VAT1: variants seen among roughly 807,000 people sequenced by gnomAD.
VAT1 encodes the protein vesicle amine transport 1, also known as NADPH-dependent quinone oxidoreductase VAT1.
In VAT1, 24 loss-of-function variants were observed where a neutral mutation model predicts 33.3. The observed-to-expected ratio is 0.72, with a 90% CI of 0.52 to 1.01. The LOEUF is 1.01. VAT1 is among the 50% of genes least tolerant of loss of function. VAT1 has a pLI of 0.00. For missense variants in VAT1, 436 were observed against 533.7 expected, an observed-to-expected ratio of 0.82 and a Z score of 1.80; for synonymous variants, 212 against 225.0, an observed-to-expected ratio of 0.94 and a Z score of 0.52.
chr17:43,021,667 A>T (rs2050570193), intron 1 of VAT1, among the ~76,000 whole-genome samples: 1 of 141,482 alleles, frequency 7.1e-6, no homozygotes, highest in African/African-American at 2.6e-5. Context: ...TGGGCACCTT[A>T]TTGTTTTCCC....
chr17:43,017,695 A>T, intron 4 of VAT1, 146 bp downstream of exon 4: 1 of 659,842 alleles, frequency 1.5e-6, no homozygotes, highest in East Asian at 2.7e-5. Context: ...AATGCAGCAT[A>T]CAGGACCATT....
rs1361035426 is a variant in VAT1 at position 43,016,191 on chromosome 17, T to G, written c.1099-47A>C. 1.2e-6 allele frequency: 2 copies of G among 1,613,478 alleles called. 1 individual carries two copies. The highest frequency in any genetic ancestry group is 2.2e-5 in the South Asian group (2 of 91,012). On this transcript the variant is annotated intron_variant, in intron 5 of 5. Coordinates refer to ENST00000355653, the MANE Select transcript of VAT1 (RefSeq NM_006373.4). ...GGCTCCCAGTGCTATCCAACCCTCA[T>G]CCAACAAGAGCCAGTGTGATGCAGG...
Position 43,018,710 on chromosome 17 carries a change from C to T in VAT1, c.477G>A (p.Glu159=). Residue 159 remains glutamate, a synonymous_variant, in exon 2 of 6, where the codon GAG becomes GAA. Coordinates refer to ENST00000355653, the MANE Select transcript of VAT1 (RefSeq NM_006373.4). ...CAGCAGCTTCCTCAAAGGTCATGGC[C>T]TCAGGAATCAGGAAGGTCTGGACCG... The part of the protein sequence containing the change: ...VPSVQTFLIP[E]AMTFEEAAAL... 6.2e-7 allele frequency: 1 copy of T among 1,614,114 alleles called. No homozygotes were observed. The highest frequency in any genetic ancestry group is 1.3e-5 in the African/African-American group (1 of 75,026).
chr17:43,022,062 C>T lies in VAT1; in HGVS notation c.261G>A (p.Gly87=). 1 of 1,601,612 alleles carries T rather than the reference C, an allele frequency of 6.2e-7. No homozygotes were observed. Among genetic ancestry groups the T allele is most frequent in the Non-Finnish European group, 8.5e-7 (1 of 1,175,584 alleles). The part of the protein sequence containing the change: ...GQLTLRLRAC[G]LNFADLMARQ... ...TAGCCATGAGGTCTGCGAAGTTGAG[C>T]CCGCAGGCCCGCAGACGCAGCGTCA... The change falls in exon 1 of 6, where the codon GGG becomes GGA. Residue 87 remains glycine, a synonymous_variant. Coordinates refer to ENST00000355653, the MANE Select transcript of VAT1 (RefSeq NM_006373.4).
At chr17:43,020,326 G>A in intron 1 of VAT1, 2 of 984,778 alleles carry the variant, frequency 2.0e-6, no homozygotes, top group Non-Finnish European at 2.4e-6. Flanking sequence ...TGTATGGAGG[G>A]GAGGTGAGGT....
chr17:43,020,056 GAAC>G (rs2050553974), intron 1 of VAT1: 1 of 975,954 alleles, frequency 1.0e-6, no homozygotes, highest in South Asian at 4.7e-5. Context: ...AGCAGATACA[GAAC>G]AACCCAGGAG....
chr17:43,017,786 T>A, intron 4 of VAT1, 55 bp downstream of exon 4: 1 of 1,561,658 alleles, frequency 6.4e-7, no homozygotes, highest in Non-Finnish European at 8.8e-7. Flanking sequence ...TCCCACCCCT[T>A]AGACCCTCCC....
rs2050510034 is a variant in VAT1 at position 43,015,110 on chromosome 17, CAT to C, written c.*949_*950del. The C allele has an allele frequency of 6.5e-6, 1 of 152,740 alleles. No individual in the cohort carries two copies. The highest frequency in any genetic ancestry group is 1.5e-5 in the Non-Finnish European group (1 of 68,124). The allele number at this position is 152,740 out of a possible 1,614,324, so 9.5% of individuals were successfully genotyped here. On this transcript the variant is annotated 3_prime_UTR_variant, in exon 6 of 6. Transcript: ENST00000355653. ...CTTCCCCGCCTTTCTCCTCAACCAC[CAT>C]AGAGACGGGACATGGCACAGACCAC... is the stretch of plus-strand genomic sequence containing the variant.
rs2050575420 is a variant in VAT1 at position 43,022,132 on chromosome 17, A to G, written c.191T>C (p.Leu64Pro). The change falls in exon 1 of 6, where the codon CTG becomes CCG. Residue 64 changes from leucine (L) to proline (P), a missense_variant. Around this residue, in one of 2 missense-constraint regions of VAT1, gnomAD observed 154 missense variants for 128.3 expected, o/e 1.20. Transcript: ENST00000355653. Reference protein sequence around the residue: ...TGFGGYDKVKLQSRPAAPPAP... With the variant: ...TGFGGYDKVKPQSRPAAPPAP... ...CGGGGGCGCTGCCGGCCGGCTCTGC[A>G]GCTTCACCTTGTCGTAGCCTCCAAA... is the stretch of plus-strand genomic sequence containing the variant. The G allele has an allele frequency of 6.4e-7, 1 of 1,562,588 alleles. No homozygotes were observed.
At chr17:43,017,250 G>C (rs1167626089) in intron 4 of VAT1, among the ~76,000 whole-genome samples, 1 of 150,144 alleles carries the variant, frequency 6.7e-6, no homozygotes, top group African/African-American at 2.5e-5. Context: ...AGGACAGAAA[G>C]AAGGCAGGCT....
chr17:43,016,195 A>G, intron 5 of VAT1, 51 bp from the exon 6 acceptor site: 10 of 1,613,400 alleles, frequency 6.2e-6, no homozygotes, highest in East Asian at 2.2e-5. Context: ...CCCTCATCCA[A>G]CAAGAGCCAG....
intron 4 of VAT1, 23 bp downstream of exon 4, chr17:43,017,818 C>A (rs770931621): frequency 3.1e-6 from 5 of 1,612,266 alleles, no homozygotes. Context: ...CATGCTCTCT[C>A]CATCCCTGGC....
chr17:43,018,063 C>A lies in VAT1; in HGVS notation c.739G>T (p.Asp247Tyr). The change falls in exon 3 of 6, where the codon GAT (aspartate) becomes TAT (tyrosine). Residue 247 changes from aspartate (D) to tyrosine (Y), a missense_variant. By Grantham distance (160) the Asp-to-Tyr change is radical (BLOSUM62 -3). Around this residue, in one of 2 missense-constraint regions of VAT1, gnomAD observed 282 missense variants for 405.4 expected, o/e 0.70. Coordinates refer to ENST00000355653, the MANE Select transcript of VAT1 (RefSeq NM_006373.4). ...TTAGGGGAAATCTTCTTGATCTCAT[C>A]CACGTAGTCAGTCGTGTGATAGTCG... ...PIDYHTTDYVDEIKKISPKGV... is the reference protein window; with the variant it reads ...PIDYHTTDYVYEIKKISPKGV... The A allele has an allele frequency of 6.2e-7, 1 of 1,614,096 alleles. No homozygotes were observed. Among genetic ancestry groups the A allele is most frequent in the Non-Finnish European group, 8.5e-7 (1 of 1,180,004 alleles).
At position 43,018,155 on chromosome 17, in the gene VAT1, GT is replaced by G; in HGVS notation, c.646del (p.Thr216GlnfsTer14). On this transcript the variant is annotated frameshift_variant, in exon 3 of 6. Coordinates refer to ENST00000355653, the MANE Select transcript of VAT1 (RefSeq NM_006373.4). LOFTEE classifies it high-confidence loss of function. ...GCTGGCCGAGGCCGTTCCGAACACT[GT>G]CACATTCTCCACTGTACGGCACAGC... Reference protein sequence around the residue: ...VQLCRTVENVTVFGTASASKH... With the variant: ...VQLCRTVENVXVFGTASASKH... 1 of 1,614,026 alleles carries G rather than the reference GT, an allele frequency of 6.2e-7. No individual in the cohort carries two copies. Among genetic ancestry groups the G allele is most frequent in the East Asian group, 2.2e-5 (1 of 44,882 alleles).
chr17:43,017,582 C>CAAA (rs55979457), intron 4 of VAT1, among the ~76,000 whole-genome samples: 10 of 66,432 alleles, frequency 1.5e-4, no homozygotes, highest in South Asian at 1.2e-3. Flanking sequence ...AACTCCATCT[C>CAAA]AAAAAAAAAA....
chr17:43,018,003 C>G (rs776886612), intron 3 of VAT1, 33 bp downstream of exon 3: 3 of 1,612,066 alleles, frequency 1.9e-6, no homozygotes, highest in Non-Finnish European at 2.5e-6. Flanking sequence ...CTGTCCTGTG[C>G]CTCCCTACCC....
At chr17:43,021,606 T>TTG (rs1318905029) in intron 1 of VAT1, among the ~76,000 whole-genome samples, 2 of 49,416 alleles carry the variant, frequency 4.0e-5, no homozygotes, top group East Asian at 1.3e-3. Context: ...GTGGTTTTAA[T>TTG]GGGGGGGGGG....
chr17:43,020,596 G>A (rs1325015693), intron 1 of VAT1, among the ~76,000 whole-genome samples: 1 of 152,108 alleles, frequency 6.6e-6, no homozygotes, highest in Non-Finnish European at 1.5e-5. Flanking sequence ...GGAAACTCCT[G>A]GCCAAGCGCA....
chr17:43,019,030 C>A, intron 1 of VAT1: 1 of 575,118 alleles, frequency 1.7e-6, no homozygotes, highest in South Asian at 2.1e-5. Flanking sequence ...ATATATAATG[C>A]TTAATTAACC....
Sources: allele counts gnomAD v4.1 joint callset (sites outside exome capture counted in the v4.1 genomes callset), GRCh38; gene constraint gnomAD v4.1.1; regional missense constraint gnomAD v4.1.1; transcripts MANE v1.5; gene names NCBI Gene and HGNC (gene_info 2026-07-23, HGNC 2026-07-21).